The following ANXA4 variants were observed in gnomAD, a reference collection of about 807,000 sequenced individuals.
ANXA4 encodes annexin A4.
In ANXA4, 39 loss-of-function variants were observed where a neutral mutation model predicts 49.8. The observed-to-expected ratio is 0.78, with a 90% CI of 0.61 to 1.02. The LOEUF (loss-of-function observed/expected upper bound fraction) is 1.02. Ranked by LOEUF, ANXA4 falls within the 50% of genes least tolerant of loss-of-function variation. ANXA4 has a pLI of 0.00. For missense variants in ANXA4, 360 were observed against 410.1 expected (o/e 0.88, Z 1.05); for synonymous variants, 134 against 152.5 (o/e 0.88, Z 0.89).
At chr2:69,733,570 C>T (rs1242008717) in intron 3 of ANXA4, among the ~76,000 whole-genome samples, 3 of 151,408 alleles carry the variant, frequency 2.0e-5, no homozygotes, top group African/African-American at 4.9e-5. Flanking sequence ...AGTGATTGCA[C>T]CACTGCACTC....
At chr2:69,725,643 A>G (rs1388793624) in intron 3 of ANXA4, among the ~76,000 whole-genome samples, 1 of 152,134 alleles carries the variant, frequency 6.6e-6, no homozygotes, top group Admixed American at 6.5e-5. Context: ...GTCAATTCCC[A>G]TGAGCTGAAG....
At chr2:69,759,229 T>C (rs371580171) in intron 1 of ANXA4, among the ~76,000 whole-genome samples, 32 of 151,844 alleles carry the variant, frequency 2.1e-4, no homozygotes, top group African/African-American at 7.7e-4. Flanking sequence ...TGGATGACTA[T>C]AGTAAAATAG....
Position 69,675,820 on chromosome 2 carries a change from A to G in ANXA4, n.766+22538A>G, listed in dbSNP as rs182568561. ...GGGCAGATCACGAGGTCAGGAGATCAAGACCATCCTGGCTAACACGGTGAA... is the reference window on the plus strand; with the variant it reads ...GGGCAGATCACGAGGTCAGGAGATCGAGACCATCCTGGCTAACACGGTGAA... On this transcript the variant is annotated intron_variant and non_coding_transcript_variant, in intron 2 of 3. Transcript: ENST00000418066. Among the ~76,000 whole-genome samples the G allele has an allele frequency of 5.5e-3, 842 of 152,042 alleles. 11 individuals are homozygous for G. Among genetic ancestry groups the G allele is most frequent in the African/African-American group, 0.019 (787 of 41,490 alleles).
At chr2:69,820,895 G>T in intron 12 of ANXA4, 74 bp downstream of exon 12, 1 of 1,481,220 alleles carries the variant, frequency 6.8e-7, no homozygotes, top group Admixed American at 2.1e-5. Flanking sequence ...TTTAGCACTT[G>T]TTGTCCCCCT....
At chr2:69,690,134 T>G (rs996436697) in intron 2 of ANXA4, among the ~76,000 whole-genome samples, 4 of 152,206 alleles carry the variant, frequency 2.6e-5, no homozygotes, top group Non-Finnish European at 5.9e-5. Context: ...TAAACACATT[T>G]AATCAAAATT....
chr2:69,750,116 A>AT (rs1670778719), intron 1 of ANXA4, among the ~76,000 whole-genome samples: 1 of 152,228 alleles, frequency 6.6e-6, no homozygotes, highest in Admixed American at 6.5e-5. Flanking sequence ...TTACCAATTA[A>AT]TTAAAAAAAA....
chr2:69,787,322 C>T (rs1672460361), intron 2 of ANXA4, among the ~76,000 whole-genome samples: 1 of 151,468 alleles, frequency 6.6e-6, no homozygotes, highest in Non-Finnish European at 1.5e-5. Flanking sequence ...CATTGATGTT[C>T]CTTTTCATAT....
chr2:69,717,833 T>G (rs765798835), intron 2 of ANXA4, among the ~76,000 whole-genome samples: 3 of 152,160 alleles, frequency 2.0e-5, no homozygotes, highest in Non-Finnish European at 4.4e-5. Context: ...CTATGGGCCT[T>G]GGCTTTCTAC....
intron 2 of ANXA4, among the ~76,000 whole-genome samples, chr2:69,718,802 TAC>T (rs200921932): frequency 0.091 from 13,759 of 151,764 alleles, 1,965 homozygotes; most frequent in African/African-American, 0.31. Flanking sequence ...CATACGTGCA[TAC>T]ACACACATGC....
At chr2:69,664,719 C>G (rs899802645) in intron 2 of ANXA4, among the ~76,000 whole-genome samples, 7 of 152,158 alleles carry the variant, frequency 4.6e-5, no homozygotes, top group East Asian at 3.8e-4. Context: ...AACCCTACCC[C>G]CTACCTCAAT....
intron 1 of ANXA4, among the ~76,000 whole-genome samples, chr2:69,767,594 G>C (rs1281462121): frequency 6.6e-6 from 1 of 152,230 alleles, no homozygotes; most frequent in East Asian, 1.9e-4. Context: ...CCACCAGAAA[G>C]GCCGTATGGC....
rs531828705 is a variant in ANXA4 at position 69,780,741 on chromosome 2, C to CA, written c.-46-772dup. Among the ~76,000 whole-genome samples, 24 of 151,718 alleles carry CA rather than the reference C, an allele frequency of 1.6e-4. 1 individual carries two copies. In the East Asian group the frequency reaches 3.3e-3, roughly 21 times the overall value. Reference sequence around the variant, plus strand: ...TGGACAATGGAGGGAGACCCTGACTCAAAAAAACAAGAAAAGAGAAGGTGC... The same window carrying CA: ...TGGACAATGGAGGGAGACCCTGACTCAAAAAAAACAAGAAAAGAGAAGGTGC... On this transcript the variant is annotated intron_variant, in intron 1 of 12. Coordinates refer to ENST00000394295, the MANE Select transcript of ANXA4 (RefSeq NM_001153.5).
At chr2:69,706,837 G>A (rs1395474298) in intron 2 of ANXA4, among the ~76,000 whole-genome samples, 1 of 152,084 alleles carries the variant, frequency 6.6e-6, no homozygotes, top group Non-Finnish European at 1.5e-5. Context: ...TACTTGTTAT[G>A]GCCGAATAAT....
intron 2 of ANXA4, among the ~76,000 whole-genome samples, chr2:69,687,908 C>T (rs566245871): frequency 1.3e-5 from 2 of 152,226 alleles, no homozygotes; most frequent in African/African-American, 4.8e-5. Flanking sequence ...AGTCCATAAA[C>T]ACGTCAGTAT....
intron 9 of ANXA4, chr2:69,818,098 A>C (rs747625939): frequency 6.6e-6 from 1 of 151,042 alleles, no homozygotes; most frequent in Non-Finnish European, 1.5e-5. Flanking sequence ...TATTCACCAC[A>C]TTCAAAAATA....
intron 1 of ANXA4, 131 bp from the exon 2 acceptor site, chr2:69,781,389 A>C (rs1163293857): frequency 1.4e-6 from 1 of 710,524 alleles, no homozygotes; most frequent in East Asian, 2.7e-5. Context: ...GCTAATCAGT[A>C]ACTGGCCTTT....
chr2:69,752,653 G>T (rs1041737135), intron 1 of ANXA4, among the ~76,000 whole-genome samples: 5 of 152,186 alleles, frequency 3.3e-5, no homozygotes, highest in African/African-American at 1.2e-4. Flanking sequence ...CCTCTCTTCA[G>T]CTTTGAGCTC....
At chr2:69,693,163 A>G (rs1217966929) in intron 2 of ANXA4, among the ~76,000 whole-genome samples, 2 of 152,168 alleles carry the variant, frequency 1.3e-5, no homozygotes, top group African/African-American at 4.8e-5. Flanking sequence ...TTGCCTAGTG[A>G]ACCTCCCCTT....
intron 2 of ANXA4, among the ~76,000 whole-genome samples, chr2:69,699,074 A>T (rs1678251354): frequency 6.6e-6 from 1 of 152,176 alleles, no homozygotes; most frequent in Admixed American, 6.5e-5. Flanking sequence ...GAAGATATGA[A>T]TCATGGGTAA....
Sources: gnomAD v4.1 joint callset for allele counts (sites outside exome capture counted in the v4.1 genomes callset) on GRCh38, gnomAD v4.1.1 for gene constraint, MANE v1.5 for transcripts, NCBI Gene and HGNC (gene_info 2026-07-23, HGNC 2026-07-21) for gene names.